The following ATP8A2 variants were observed in gnomAD, a reference collection of about 807,000 sequenced individuals.
The protein encoded by ATP8A2 is ATPase phospholipid transporting 8A2.
ATP8A2 carries 100 observed loss-of-function variants against 165.6 expected under a neutral mutation model. The ratio of observed to expected loss-of-function variants is 0.60; its 90% CI spans 0.51 to 0.71. ATP8A2 has a LOEUF of 0.71. Among genes scored for constraint, ATP8A2 ranks in the 30% least tolerant of loss-of-function variants. ATP8A2 has a pLI of 0.00. For missense variants in ATP8A2, 1,227 were observed against 1,479.5 expected (o/e 0.83, Z 2.80); for synonymous variants, 543 against 548.8 (o/e 0.99, Z 0.15).
chr13:26,007,691 G>C (rs1484979136), intron 35 of ATP8A2, among the ~76,000 whole-genome samples: 6 of 152,136 alleles, frequency 3.9e-5, no homozygotes, highest in Non-Finnish European at 4.4e-5. Context: ...AAAAGAACGA[G>C]AAATAAATCC....
At chr13:25,489,597 G>A (rs1412451332) in intron 2 of ATP8A2, among the ~76,000 whole-genome samples, 2 of 152,174 alleles carry the variant, frequency 1.3e-5, no homozygotes, top group South Asian at 2.1e-4. Flanking sequence ...CCAGCACGAC[G>A]CACAGTTCCT....
chr13:25,534,117 A>C (rs1195892525), intron 6 of ATP8A2: 5 of 511,630 alleles, frequency 9.8e-6, no homozygotes, highest in African/African-American at 1.9e-5. Context: ...ATATCTGAAA[A>C]ATGCCCGTGA....
chr13:25,562,065 A>G (rs765285664), intron 15 of ATP8A2, among the ~76,000 whole-genome samples: 6 of 152,186 alleles, frequency 3.9e-5, no homozygotes, highest in Non-Finnish European at 7.4e-5. Context: ...TACTGTGAAT[A>G]ACGCTGCTGT....
intron 35 of ATP8A2, among the ~76,000 whole-genome samples, chr13:25,991,774 G>T (rs985500702): frequency 3.3e-5 from 5 of 152,072 alleles, no homozygotes; most frequent in African/African-American, 7.2e-5. Context: ...TCCAGTTTTT[G>T]CTCTTATACA....
intron 24 of ATP8A2, among the ~76,000 whole-genome samples, chr13:25,654,469 A>C (rs1327417941): frequency 6.6e-6 from 1 of 152,204 alleles, no homozygotes; most frequent in Non-Finnish European, 1.5e-5. Flanking sequence ...CTCCTCCCAA[A>C]GTGCTAGGAT....
intron 33 of ATP8A2, among the ~76,000 whole-genome samples, chr13:25,937,848 C>CAAAAAA (rs57258286): frequency 2.3e-3 from 192 of 83,308 alleles, no homozygotes; most frequent in East Asian, 3.3e-3. Context: ...GACTCCGTCT[C>CAAAAAA]AAAAAAAAAA....
intron 25 of ATP8A2, among the ~76,000 whole-genome samples, chr13:25,703,802 A>G (rs778398555): frequency 1.3e-5 from 2 of 152,156 alleles, no homozygotes; most frequent in African/African-American, 2.4e-5. Flanking sequence ...ATGGCCAGTG[A>G]CTGCTCAGTG....
intron 2 of ATP8A2, among the ~76,000 whole-genome samples, chr13:25,505,198 G>A (rs551029372): frequency 7.2e-5 from 10 of 138,864 alleles, no homozygotes; most frequent in South Asian, 2.5e-4. Flanking sequence ...TTTTTTCGGC[G>A]GGGCGGGGGG....
At chr13:25,486,969 T>TA (rs1296456717) in intron 2 of ATP8A2, among the ~76,000 whole-genome samples, 1 of 152,094 alleles carries the variant, frequency 6.6e-6, no homozygotes, top group Non-Finnish European at 1.5e-5. Context: ...CTGTCTCAAT[T>TA]AAAAATATTA....
intron 1 of ATP8A2, among the ~76,000 whole-genome samples, chr13:25,440,471 C>T (rs1020019750): frequency 2.0e-5 from 3 of 152,090 alleles, no homozygotes; most frequent in East Asian, 1.9e-4. Context: ...ACAGGACGGT[C>T]GCAGGGCATA....
chr13:25,775,206 C>G (rs967463559), intron 27 of ATP8A2, among the ~76,000 whole-genome samples: 1 of 152,172 alleles, frequency 6.6e-6, no homozygotes, highest in Non-Finnish European at 1.5e-5. Flanking sequence ...ATGCCTTCCT[C>G]CTAGCTCTCC....
At chr13:25,809,504 C>T (rs897455060) in intron 27 of ATP8A2, among the ~76,000 whole-genome samples, 1 of 152,124 alleles carries the variant, frequency 6.6e-6, no homozygotes, top group Non-Finnish European at 1.5e-5. Flanking sequence ...TGTGATCCAC[C>T]CCTGCTGAGC....
chr13:25,448,418 G>T (rs888096397), intron 1 of ATP8A2, among the ~76,000 whole-genome samples: 2 of 152,110 alleles, frequency 1.3e-5, no homozygotes, highest in African/African-American at 4.8e-5. Context: ...AAAACTGAGG[G>T]AGATACACTT....
chr13:25,886,975 T>C (rs1259950557), intron 33 of ATP8A2, among the ~76,000 whole-genome samples: 1 of 152,228 alleles, frequency 6.6e-6, no homozygotes, highest in Non-Finnish European at 1.5e-5. Flanking sequence ...CTTTTCCATA[T>C]ACCAGCCAAC....
chr13:25,557,034 A>G (rs2039001732), intron 13 of ATP8A2, among the ~76,000 whole-genome samples: 1 of 152,124 alleles, frequency 6.6e-6, no homozygotes, highest in South Asian at 2.1e-4. Flanking sequence ...TGGTTTGTGT[A>G]TCATTTTTGA....
chr13:25,872,458 T>C (rs2138813753), intron 33 of ATP8A2, among the ~76,000 whole-genome samples: 1 of 152,304 alleles, frequency 6.6e-6, no homozygotes, highest in African/African-American at 2.4e-5. Flanking sequence ...GATATTGTCG[T>C]TCTATAGCAG....
intron 33 of ATP8A2, among the ~76,000 whole-genome samples, chr13:25,903,080 C>A (rs544273369): frequency 6.6e-6 from 1 of 152,160 alleles, no homozygotes; most frequent in East Asian, 1.9e-4. Flanking sequence ...CATGCCGTTG[C>A]ACTCTAGCCT....
chr13:25,418,724 G>A (rs2034208173), intron 1 of ATP8A2, among the ~76,000 whole-genome samples: 1 of 152,264 alleles, frequency 6.6e-6, no homozygotes, highest in East Asian at 1.9e-4. Context: ...CGCCTTCCGA[G>A]ATCCACAATT....
chr13:25,468,675 C>G lies in ATP8A2; in HGVS notation c.77-302C>G, dbSNP rs191882929. 952 of 302,484 alleles carry G rather than the reference C, an allele frequency of 3.1e-3. 4 individuals are homozygous for G. Among genetic ancestry groups the G allele is most frequent in the South Asian group, 0.011 (85 of 7,828 alleles). 18.7% of individuals were successfully genotyped at this position (302,484 alleles called of 1,614,324 possible). A position where few individuals can be genotyped will look rare whatever the true frequency, so the allele number is the denominator to read the frequency against. Reference sequence around the variant, plus strand: ...AGCAGCTTGGGCGTCCAGCCCGGCCCGGTCCCTGCAGGGAGGGAGCGCAGG... The same window carrying G: ...AGCAGCTTGGGCGTCCAGCCCGGCCGGGTCCCTGCAGGGAGGGAGCGCAGG... On this transcript the variant is annotated intron_variant, in intron 1 of 36. Transcript: ENST00000381655.
Sources: allele counts gnomAD v4.1 joint callset (sites outside exome capture counted in the v4.1 genomes callset), GRCh38; gene constraint gnomAD v4.1.1; transcripts MANE v1.5; gene names NCBI Gene and HGNC (gene_info 2026-07-23, HGNC 2026-07-21).